Variants in CAMKMT observed in about 807,000 individuals in gnomAD.
CAMKMT encodes the protein CaM KMT.
In CAMKMT, 53 loss-of-function variants were observed where a neutral mutation model predicts 48.0. The observed-to-expected ratio is 1.10, with a 90% CI of 0.89 to 1.39. The LOEUF (loss-of-function observed/expected upper bound fraction) is 1.39. Ranked by LOEUF, CAMKMT falls within the 40% of genes most tolerant of loss-of-function variation. The pLI, the probability that CAMKMT is intolerant of heterozygous loss-of-function variation, is 0.00. For missense variants in CAMKMT, 428 were observed against 402.7 expected (o/e 1.06, Z -0.54); for synonymous variants, 165 against 152.3 (o/e 1.08, Z -0.61).
chr2:44,461,672 A>G (rs886759357), intron 3 of CAMKMT, among the ~76,000 whole-genome samples: 5 of 152,198 alleles, frequency 3.3e-5, no homozygotes, highest in Admixed American at 3.3e-4. Flanking sequence ...GTGAGTGTAA[A>G]TGACTACTAT....
chr2:44,486,279 C>T (rs546723072), intron 3 of CAMKMT, among the ~76,000 whole-genome samples: 1 of 152,298 alleles, frequency 6.6e-6, no homozygotes, highest in South Asian at 2.1e-4. Flanking sequence ...GGTGTGTTCA[C>T]TCTGTGATAA....
Position 44,653,438 on chromosome 2 carries a change from T to C in CAMKMT, c.377-50845T>C, listed in dbSNP as rs1019225117. Among the ~76,000 whole-genome samples, 1 of 152,214 alleles carries C rather than the reference T, an allele frequency of 6.6e-6. No homozygotes were observed. Among genetic ancestry groups the C allele is most frequent in the African/African-American group, 2.4e-5 (1 of 41,454 alleles). ...TTAGAATTGGAAGGAACATTAGATA[T>C]AGTTTTATCTCATTGATAGAGAAAC... On this transcript the variant is annotated intron_variant, in intron 3 of 10. Coordinates refer to ENST00000378494, the MANE Select transcript of CAMKMT (RefSeq NM_024766.5). This position sits in a 1 kb window ranked among gnomAD's most constrained non-coding sequence, Gnocchi z 5.2.
chr2:44,559,602 G>A (rs1668216157), intron 3 of CAMKMT, among the ~76,000 whole-genome samples: 1 of 151,586 alleles, frequency 6.6e-6, no homozygotes, highest in Non-Finnish European at 1.5e-5. Flanking sequence ...TACCAAATCT[G>A]TTATCCCTTT....
chr2:44,373,831 C>G (rs934646032), intron 2 of CAMKMT, among the ~76,000 whole-genome samples: 1 of 151,990 alleles, frequency 6.6e-6, no homozygotes, highest in Non-Finnish European at 1.5e-5. Context: ...TACTATTTTA[C>G]TGAAAATGCC....
intron 3 of CAMKMT, among the ~76,000 whole-genome samples, chr2:44,683,197 T>G (rs545388684): frequency 7.1e-6 from 1 of 141,788 alleles, no homozygotes; most frequent in South Asian, 2.1e-4. Flanking sequence ...ATAAAACTGT[T>G]TATTGAGAAA....
chr2:44,471,722 T>C (rs938257489), intron 3 of CAMKMT, among the ~76,000 whole-genome samples: 1 of 152,146 alleles, frequency 6.6e-6, no homozygotes, highest in African/African-American at 2.4e-5. Context: ...ATTCTTGATG[T>C]AAAGTATGGA....
intron 3 of CAMKMT, among the ~76,000 whole-genome samples, chr2:44,418,589 G>T (rs959474371): frequency 3.3e-5 from 5 of 152,042 alleles, no homozygotes; most frequent in African/African-American, 1.2e-4. Flanking sequence ...TCTGTATTCT[G>T]TTTCATTGAT....
chr2:44,518,625 TTTAAA>T (rs1670950308), intron 3 of CAMKMT, among the ~76,000 whole-genome samples: 3 of 152,330 alleles, frequency 2.0e-5, no homozygotes, highest in East Asian at 3.9e-4. Flanking sequence ...TGCAGAGTTT[TTTAAA>T]AACCGAAGAT....
chr2:44,396,739 T>C (rs1408556397), intron 3 of CAMKMT, among the ~76,000 whole-genome samples: 1 of 148,938 alleles, frequency 6.7e-6, no homozygotes, highest in Non-Finnish European at 1.5e-5. Context: ...TGATTACCTT[T>C]CTAAAAAAAA....
At chr2:44,735,887 T>C (rs996802148) in intron 7 of CAMKMT, among the ~76,000 whole-genome samples, 1 of 151,304 alleles carries the variant, frequency 6.6e-6, no homozygotes, top group East Asian at 1.9e-4. Context: ...TACTCGAGCC[T>C]GCTCTGTCTC....
At chr2:44,424,915 T>TA (rs1684182201) in intron 3 of CAMKMT, among the ~76,000 whole-genome samples, 1 of 151,674 alleles carries the variant, frequency 6.6e-6, no homozygotes, top group Admixed American at 6.6e-5. Flanking sequence ...CTTATAGAAA[T>TA]AAAAAAATTA....
chr2:44,474,746 C>T (rs894504246), intron 3 of CAMKMT, among the ~76,000 whole-genome samples: 8 of 152,162 alleles, frequency 5.3e-5, no homozygotes, highest in African/African-American at 1.9e-4. Flanking sequence ...CCTCCCTGTA[C>T]TCCAAATAAC....
rs115225706 is a variant in CAMKMT, at chr2:44,687,649, C to T, written c.377-16634C>T. Among the ~76,000 whole-genome samples, 1,514 of 152,236 alleles carry T rather than the reference C, an allele frequency of 9.9e-3. 25 individuals are homozygous for T. Among genetic ancestry groups the T allele is most frequent in the African/African-American group, 0.035 (1,442 of 41,526 alleles). On this transcript the variant is annotated intron_variant, in intron 3 of 10. Transcript: ENST00000378494. ...AGAGAAATTGTTCATGTTTCAAAAC[C>T]TATTATAATGCATCTTCAAATATGT...
chr2:44,732,863 C>T (rs1679156581), intron 7 of CAMKMT, among the ~76,000 whole-genome samples: 1 of 152,088 alleles, frequency 6.6e-6, no homozygotes, highest in South Asian at 2.1e-4. Flanking sequence ...CCATTTTCTT[C>T]CAGCCTGTAG....
At chr2:44,414,634 T>C (rs142196129) in intron 3 of CAMKMT, among the ~76,000 whole-genome samples, 1 of 152,098 alleles carries the variant, frequency 6.6e-6, no homozygotes, top group East Asian at 1.9e-4. Flanking sequence ...ACTGCAGCCA[T>C]GTGGTGATCA....
chr2:44,614,153 A>C (rs1198818366), intron 3 of CAMKMT, among the ~76,000 whole-genome samples: 1 of 152,220 alleles, frequency 6.6e-6, no homozygotes, highest in Non-Finnish European at 1.5e-5. Context: ...GAAAGGTTGT[A>C]TTTGGACTAG....
intron 3 of CAMKMT, among the ~76,000 whole-genome samples, chr2:44,507,510 T>C (rs974402867): frequency 1.3e-5 from 2 of 152,212 alleles, no homozygotes; most frequent in Non-Finnish European, 2.9e-5. Flanking sequence ...TATGCCTTTT[T>C]TGTAATGACC....
Position 44,395,827 on chromosome 2 carries a change from T to G in CAMKMT, c.376+5522T>G, listed in dbSNP as rs111569271. ...AAAATAATACAAGATAGAAGATATT[T>G]TTGGTATGTGCCATTCTGTTTTAAT... On this transcript the variant is annotated intron_variant, in intron 3 of 10. Coordinates refer to ENST00000378494, the MANE Select transcript of CAMKMT (RefSeq NM_024766.5). 2.5e-3 allele frequency among the ~76,000 whole-genome samples: 384 copies of G among 152,264 alleles called. 1 individual carries two copies. The Middle Eastern group carries it at 0.027, about 11-fold the overall frequency.
At chr2:44,652,293 A>T (rs1468151147) in intron 3 of CAMKMT, among the ~76,000 whole-genome samples, 1 of 152,194 alleles carries the variant, frequency 6.6e-6, no homozygotes, top group Non-Finnish European at 1.5e-5. Context: ...TATAAAGAGG[A>T]CTTGCCCCTC....
Sources: allele counts gnomAD v4.1 joint callset (sites outside exome capture counted in the v4.1 genomes callset), GRCh38; gene constraint gnomAD v4.1.1; non-coding constraint Gnocchi (gnomAD v3.1); transcripts MANE v1.5; gene names NCBI Gene and HGNC (gene_info 2026-07-23, HGNC 2026-07-21).